LPGAT1: variants seen among roughly 807,000 people sequenced by gnomAD.
The protein encoded by LPGAT1 is lysophosphatidylglycerol acyltransferase 1, also known as acyl-CoA:lysophosphatidylglycerol acyltransferase 1.
A neutral mutation model predicts 47.5 loss-of-function variants in LPGAT1; 11 were observed. The ratio of observed to expected loss-of-function variants is 0.23; its 90% confidence interval spans 0.15 to 0.38. LPGAT1 has a LOEUF of 0.38. LPGAT1 is among the 10% of genes least tolerant of loss of function. LPGAT1 has a pLI of 1.00. For synonymous variants in LPGAT1, 138 were observed against 144.2 expected, an observed-to-expected ratio of 0.96 and a Z score of 0.31; for missense variants, 293 against 439.0, an observed-to-expected ratio of 0.67 and a Z score of 2.97.
rs763528635 is a variant in LPGAT1 at position 211,787,716 on chromosome 1, C to T, written c.369G>A (p.Gln123=). 1 of 1,601,776 alleles carries T rather than the reference C, an allele frequency of 6.2e-7. No individual in the cohort carries two copies. Among genetic ancestry groups the T allele is most frequent in the African/African-American group, 1.3e-5 (1 of 74,478 alleles). Residue 123 remains glutamine (Q), a synonymous_variant, in exon 4 of 8, where the codon CAG becomes CAA. Transcript: ENST00000366997. ...AAATATGATCCATCAACCACATCATCTGAGCAACAACCTAAAATATTTAAA... is the reference window on the plus strand; with the variant it reads ...AAATATGATCCATCAACCACATCATTTGAGCAACAACCTAAAATATTTAAA... ...CLQDKGLVVA[Q]MMWLMDHIFK...
intron 2 of LPGAT1, among the ~76,000 whole-genome samples, chr1:211,811,069 G>C (rs1315463485): frequency 6.6e-6 from 1 of 152,180 alleles, no homozygotes. Context: ...GTCTCTTGCT[G>C]ATATTTGGAA....
chr1:211,787,416 A>AT (rs1658924949), intron 4 of LPGAT1, among the ~76,000 whole-genome samples: 1 of 151,310 alleles, frequency 6.6e-6, no homozygotes, highest in Non-Finnish European at 1.5e-5. Flanking sequence ...TGAACCCAGG[A>AT]AGTGGAGGTT....
intron 6 of LPGAT1, among the ~76,000 whole-genome samples, chr1:211,752,619 G>C (rs7518833): frequency 6.6e-6 from 1 of 150,720 alleles, no homozygotes; most frequent in South Asian, 2.1e-4. Flanking sequence ...TTACACCTTC[G>C]GTGGGGAATG....
intron 6 of LPGAT1, among the ~76,000 whole-genome samples, chr1:211,763,618 CA>C (rs1657793990): frequency 6.6e-6 from 1 of 152,186 alleles, no homozygotes; most frequent in Non-Finnish European, 1.5e-5. Context: ...TTCTAAAAGT[CA>C]AAGCATACCA....
intron 6 of LPGAT1, among the ~76,000 whole-genome samples, chr1:211,753,816 C>A (rs1657312815): frequency 6.6e-6 from 1 of 152,172 alleles, no homozygotes; most frequent in Admixed American, 6.5e-5. Context: ...GTTGTTCCAT[C>A]ACATTTACAG....
intron 6 of LPGAT1, among the ~76,000 whole-genome samples, chr1:211,757,440 C>T (rs923751696): frequency 2.0e-5 from 3 of 152,130 alleles, no homozygotes; most frequent in Non-Finnish European, 2.9e-5. Context: ...TACATATATA[C>T]ATATATTTGG....
chr1:211,822,975 T>C (rs1488301076), intron 2 of LPGAT1, among the ~76,000 whole-genome samples: 4 of 152,234 alleles, frequency 2.6e-5, no homozygotes, highest in Non-Finnish European at 5.9e-5. Context: ...ACCAAGTTTT[T>C]AACCTCTTGA....
chr1:211,754,221 G>GGCT (rs767437651), intron 6 of LPGAT1, among the ~76,000 whole-genome samples: 17 of 152,120 alleles, frequency 1.1e-4, no homozygotes, highest in Non-Finnish European at 2.2e-4. Flanking sequence ...ATAGGGTAGG[G>GGCT]GCTGCGGGAT....
intron 7 of LPGAT1, 99 bp from the exon 8 acceptor site, chr1:211,750,149 A>G (rs1455128811): frequency 9.6e-7 from 1 of 1,041,128 alleles, no homozygotes; most frequent in East Asian, 2.4e-5. Flanking sequence ...TACATGTTAA[A>G]GCACCTTCAG....
chr1:211,789,869 CAAA>C (rs10651480), intron 3 of LPGAT1, among the ~76,000 whole-genome samples: 3 of 138,470 alleles, frequency 2.2e-5, no homozygotes, highest in Non-Finnish European at 1.6e-5. Flanking sequence ...GACTCTGTCT[CAAA>C]AAAAAAAAAA....
rs184304333 is a variant in LPGAT1, at chr1:211,755,333, G to A, written c.855-4266C>T. On this transcript the variant is annotated intron_variant, in intron 6 of 7. Transcript: ENST00000366997. Reference sequence around the variant, plus strand: ...AGCCTGGGTGACAGAGCAAGACTCCGTCTCAAAAAAAATAAAAATAAAAAT... The same window carrying A: ...AGCCTGGGTGACAGAGCAAGACTCCATCTCAAAAAAAATAAAAATAAAAAT... 4.1e-3 allele frequency among the ~76,000 whole-genome samples: 617 copies of A among 150,862 alleles called. 4 individuals are homozygous for A. Among genetic ancestry groups the A allele is most frequent in the Middle Eastern group, 0.014 (4 of 292 alleles).
rs371234259 is a variant in LPGAT1, at chr1:211,813,831, G to C, written c.238+15228C>G. Among the ~76,000 whole-genome samples the C allele has an allele frequency of 3.5e-4, 53 of 152,206 alleles. 1 individual carries two copies. The South Asian group carries it at 9.1e-3, about 26-fold the overall frequency. On this transcript the variant is annotated intron_variant, in intron 2 of 7. Transcript: ENST00000366997. ...TGTAGCTTGCCAACCTCTGCAGTAA[G>C]GTACATGAAAGAAGAAAGAACCACA...
intron 6 of LPGAT1, among the ~76,000 whole-genome samples, chr1:211,773,056 C>T (rs1658245577): frequency 6.6e-6 from 1 of 152,146 alleles, no homozygotes; most frequent in African/African-American, 2.4e-5. Context: ...TAATACTCTG[C>T]AAACTAATGT....
rs1225954544 is a variant in LPGAT1 at position 211,746,399 on chromosome 1, G to A, written c.*3500C>T. 1 of 152,150 alleles carries A rather than the reference G, an allele frequency of 6.6e-6. No individual in the cohort carries two copies. Among genetic ancestry groups the A allele is most frequent in the African/African-American group, 2.4e-5 (1 of 41,404 alleles). The allele number at this position is 152,150 out of a possible 1,614,324, so 9.4% of individuals were successfully genotyped here. Reference sequence around the variant, plus strand: ...TCAGGCTTCTGTATTTCCTCTTCCTGATAGCTGTCTTTCCGCATCATTTCA... The same window carrying A: ...TCAGGCTTCTGTATTTCCTCTTCCTAATAGCTGTCTTTCCGCATCATTTCA... On this transcript the variant is annotated 3_prime_UTR_variant, in exon 8 of 8. Coordinates refer to ENST00000366997, the MANE Select transcript of LPGAT1 (RefSeq NM_014873.3).
chr1:211,757,811 T>C lies in LPGAT1; in HGVS notation c.855-6744A>G, dbSNP rs557742654. ...CTCTTCAAAGGGTAACTTCCATCTT[T>C]TGAATTGTAAGAAATGCTCATGTTA... is the stretch of plus-strand genomic sequence containing the variant. On this transcript the variant is annotated intron_variant, in intron 6 of 7. Coordinates refer to ENST00000366997, the MANE Select transcript of LPGAT1 (RefSeq NM_014873.3). Among the ~76,000 whole-genome samples the C allele has an allele frequency of 2.0e-5, 3 of 152,342 alleles. No individual in the cohort carries two copies. In the South Asian group the frequency reaches 6.2e-4, roughly 32 times the overall value.
chr1:211,754,716 C>T (rs1159111186), intron 6 of LPGAT1, among the ~76,000 whole-genome samples: 1 of 151,992 alleles, frequency 6.6e-6, no homozygotes, highest in Non-Finnish European at 1.5e-5. Flanking sequence ...TGATGCATAC[C>T]ATTATAAAAA....
chr1:211,790,623 C>G (rs1659071408), intron 3 of LPGAT1, among the ~76,000 whole-genome samples: 1 of 151,994 alleles, frequency 6.6e-6, no homozygotes, highest in Non-Finnish European at 1.5e-5. Context: ...TCAATATTAT[C>G]AGAGCATTAT....
chr1:211,829,533 C>G (rs1660652821), intron 1 of LPGAT1: 2 of 1,405,532 alleles, frequency 1.4e-6, no homozygotes, highest in Non-Finnish European at 1.8e-6. Context: ...AGCTGTTCAC[C>G]GAGGCACGAA....
chr1:211,799,817 T>A (rs1032533167), intron 2 of LPGAT1, among the ~76,000 whole-genome samples: 1 of 152,206 alleles, frequency 6.6e-6, no homozygotes, highest in African/African-American at 2.4e-5. Flanking sequence ...GTCTTAAATA[T>A]AATATGCTCA....
Sources: allele counts gnomAD v4.1 joint callset (sites outside exome capture counted in the v4.1 genomes callset), GRCh38; gene constraint gnomAD v4.1.1; transcripts MANE v1.5; gene names NCBI Gene and HGNC (gene_info 2026-07-23, HGNC 2026-07-21).